DPT: variants seen among roughly 807,000 people sequenced by gnomAD.
DPT encodes the protein tyrosine-rich acidic matrix protein.
Under a neutral mutation model 31.2 loss-of-function variants are expected in DPT, and 21 were observed. That is an observed-to-expected ratio of 0.67 (90% CI 0.48 to 0.97). The LOEUF is 0.97. DPT is among the 50% of genes least tolerant of loss of function. The pLI is 0.00. For missense variants in DPT, 262 were observed against 258.8 expected (o/e 1.01, Z -0.08); for synonymous variants, 91 against 86.9 (o/e 1.05, Z -0.26).
intron 2 of DPT, among the ~76,000 whole-genome samples, chr1:168,702,800 C>T (rs1036769779): frequency 6.6e-6 from 1 of 151,832 alleles, no homozygotes; most frequent in East Asian, 1.9e-4. Flanking sequence ...TTAATAGGGA[C>T]GGGGTTTCAC....
At chr1:168,698,365 G>T (rs1649510956) in intron 3 of DPT, among the ~76,000 whole-genome samples, 1 of 152,168 alleles carries the variant, frequency 6.6e-6, no homozygotes, top group Admixed American at 6.5e-5. Context: ...TGTTTTAGAA[G>T]GAAATTAGAA....
intron 3 of DPT, among the ~76,000 whole-genome samples, chr1:168,698,122 C>T (rs1557845049): frequency 6.6e-6 from 1 of 152,190 alleles, no homozygotes; most frequent in Non-Finnish European, 1.5e-5. Flanking sequence ...CATCCAGCTT[C>T]TAAACTGAAA....
chr1:168,711,826 C>T (rs1273255237), intron 2 of DPT, among the ~76,000 whole-genome samples: 1 of 152,148 alleles, frequency 6.6e-6, no homozygotes, highest in Admixed American at 6.5e-5. Flanking sequence ...TTATTTAATG[C>T]TCATAACAAA....
At position 168,696,330 on chromosome 1, in the gene DPT, A is replaced by G. The variant is rs553018922; in HGVS notation, c.*219T>C. The G allele has an allele frequency of 5.2e-6, 3 of 581,204 alleles. No homozygotes were observed. The highest frequency in any genetic ancestry group is 4.6e-5 in the South Asian group (2 of 43,688). The allele number at this position is 581,204 out of a possible 1,614,324, so 36.0% of individuals were successfully genotyped here. ...CAGTCATATAAAGCAGTTGCTATGA[A>G]ACATGTGAAAAGTGAGAAACATGGT... On this transcript the variant is annotated 3_prime_UTR_variant, in exon 4 of 4. Coordinates refer to ENST00000367817, the MANE Select transcript of DPT (RefSeq NM_001937.5).
chr1:168,708,459 T>A (rs1282525129), intron 2 of DPT, among the ~76,000 whole-genome samples: 2 of 152,322 alleles, frequency 1.3e-5, no homozygotes, highest in South Asian at 4.1e-4. Flanking sequence ...CCAATATAAG[T>A]TCCTTTAAAT....
intron 2 of DPT, among the ~76,000 whole-genome samples, chr1:168,707,194 T>C (rs1348519407): frequency 6.6e-6 from 1 of 152,140 alleles, no homozygotes; most frequent in Admixed American, 6.5e-5. Flanking sequence ...TTTTTGTGTG[T>C]GAGGATTAAA....
chr1:168,704,266 A>G (rs1649666391), intron 2 of DPT, among the ~76,000 whole-genome samples: 1 of 152,180 alleles, frequency 6.6e-6, no homozygotes, highest in South Asian at 2.1e-4. Context: ...AAAACAATCA[A>G]ACAAACCTTC....
Position 168,714,303 on chromosome 1 carries a change from T to C in DPT, c.349A>G (p.Ser117Gly). 1.2e-6 allele frequency: 2 copies of C among 1,614,042 alleles called. No individual in the cohort carries two copies. The highest frequency in any genetic ancestry group is 1.7e-6 in the Non-Finnish European group (2 of 1,180,014). ...SNNGLVAGFQ[S>G]RYFESVLDRE... ...TCCAGCACTGACTCGAAGTAGCGGC[T>C]CTGGAATCCTGCCACCAGCCCATTG... Residue 117 changes from serine to glycine, a missense_variant, in exon 2 of 4, where the codon AGC (serine) becomes GGC (glycine). Transcript: ENST00000367817.
intron 2 of DPT, among the ~76,000 whole-genome samples, chr1:168,703,358 A>G (rs1649644612): frequency 6.6e-6 from 1 of 152,248 alleles, no homozygotes; most frequent in South Asian, 2.1e-4. Context: ...AGTGGGAAAG[A>G]AAAGCTTACC....
intron 1 of DPT, among the ~76,000 whole-genome samples, chr1:168,723,319 T>C (rs762204644): frequency 3.9e-5 from 6 of 152,236 alleles, no homozygotes; most frequent in Non-Finnish European, 7.3e-5. Context: ...TCCTCATGTG[T>C]GAAACACCTG....
At chr1:168,709,440 C>T (rs1406844012) in intron 2 of DPT, among the ~76,000 whole-genome samples, 3 of 152,184 alleles carry the variant, frequency 2.0e-5, no homozygotes, top group Non-Finnish European at 4.4e-5. Context: ...AATGGCATGT[C>T]CACATCTCTC....
intron 2 of DPT, among the ~76,000 whole-genome samples, chr1:168,703,521 GGT>G (rs1281669245): frequency 6.6e-6 from 1 of 152,216 alleles, no homozygotes; most frequent in Non-Finnish European, 1.5e-5. Context: ...CTCTCCATGA[GGT>G]ACTGATGTCC....
intron 1 of DPT, among the ~76,000 whole-genome samples, chr1:168,722,270 A>C (rs575669489): frequency 1.3e-5 from 2 of 152,358 alleles, no homozygotes; most frequent in East Asian, 3.9e-4. Context: ...ATAAATATTC[A>C]AGACACTTAT....
rs201537022 is a variant in DPT at position 168,701,963 on chromosome 1, C to CTCCTT, written c.432-844_432-840dup. ...ACTATTTTGTTTCTTCTTCCTCTTCCTCCTTTCCTTTCCTTCTCTTCCAAT... is the reference window on the plus strand; with the variant it reads ...ACTATTTTGTTTCTTCTTCCTCTTCCTCCTTTCCTTTCCTTTCCTTCTCTTCCAAT... On this transcript the variant is annotated intron_variant, in intron 2 of 3. Coordinates refer to ENST00000367817, the MANE Select transcript of DPT (RefSeq NM_001937.5). Among the ~76,000 whole-genome samples the CTCCTT allele has an allele frequency of 4.1e-4, 63 of 152,276 alleles. No homozygotes were observed. In the East Asian group the frequency reaches 9.8e-3, roughly 24 times the overall value.
chr1:168,705,026 C>A (rs1388858113), intron 2 of DPT, among the ~76,000 whole-genome samples: 2 of 152,136 alleles, frequency 1.3e-5, no homozygotes. Flanking sequence ...GCTCTCACAT[C>A]CATTTTAGAA....
chr1:168,713,444 A>G (rs1192085035), intron 2 of DPT, among the ~76,000 whole-genome samples: 1 of 152,214 alleles, frequency 6.6e-6, no homozygotes, highest in Non-Finnish European at 1.5e-5. Context: ...AACTGTAGAG[A>G]GATCAATCAC....
At chr1:168,726,919 C>A (rs1034928113) in intron 1 of DPT, among the ~76,000 whole-genome samples, 15 of 152,350 alleles carry the variant, frequency 9.8e-5, no homozygotes, top group African/African-American at 3.6e-4. Flanking sequence ...AAAGGCTGTC[C>A]AAGCAGCCTC....
intron 1 of DPT, among the ~76,000 whole-genome samples, chr1:168,726,569 T>C (rs1650247425): frequency 6.6e-6 from 1 of 152,164 alleles, no homozygotes; most frequent in Non-Finnish European, 1.5e-5. Flanking sequence ...CACAAGTCAT[T>C]AGAACCAGGA....
intron 2 of DPT, among the ~76,000 whole-genome samples, chr1:168,705,798 G>A (rs1649706723): frequency 6.6e-6 from 1 of 152,220 alleles, no homozygotes; most frequent in Non-Finnish European, 1.5e-5. Context: ...GTTGTGAGAG[G>A]GATCCAGTGG....
Sources: gnomAD v4.1 joint callset for allele counts (sites outside exome capture counted in the v4.1 genomes callset) on GRCh38, gnomAD v4.1.1 for gene constraint, MANE v1.5 for transcripts, NCBI Gene and HGNC (gene_info 2026-07-23, HGNC 2026-07-21) for gene names.